Variants in IFIT5 observed in about 807,000 individuals in gnomAD.
IFIT5 encodes the protein interferon-induced protein with tetratricopeptide repeats 5.
IFIT5 carries 2 observed loss-of-function variants against 5.0 expected under a neutral mutation model. The observed-to-expected ratio is 0.40, with a 90% CI of 0.16 to 1.26. The LOEUF (loss-of-function observed/expected upper bound fraction) is 1.26. Among genes scored for constraint, IFIT5 ranks in the 50% most tolerant of loss-of-function variants. The pLI is 0.33. For synonymous variants in IFIT5, 206 were observed against 204.6 expected (o/e 1.01, Z -0.06); for missense variants, 524 against 563.2 (o/e 0.93, Z 0.70).
Position 89,417,854 on chromosome 10 carries a change from GT to G in IFIT5, c.660del (p.Leu221TrpfsTer3). 1 of 1,614,172 alleles carries G rather than the reference GT, an allele frequency of 6.2e-7. No homozygotes were observed. Among genetic ancestry groups the G allele is most frequent in the Non-Finnish European group, 8.5e-7 (1 of 1,180,024 alleles). On this transcript the variant is annotated frameshift_variant, in exon 2 of 2. Transcript: ENST00000371795. LOFTEE classifies it low-confidence loss of function (END_TRUNC). ...GAACCCAGATAACAGCTATATTAAG[GT>G]TTTTCTGGCACTGAAGCTTCAAGAT... Reference protein sequence around the residue: ...TLNPDNSYIKVFLALKLQDVH... With the variant: ...TLNPDNSYIKXFLALKLQDVH...
intron 1 of IFIT5, among the ~76,000 whole-genome samples, chr10:89,416,901 T>C (rs2133652905): frequency 6.6e-6 from 1 of 152,368 alleles, no homozygotes. Context: ...TGAATATGTA[T>C]ATATTCATTC....
At position 89,418,054 on chromosome 10, in the gene IFIT5, G is replaced by A. The variant is rs372927340; in HGVS notation, c.855G>A (p.Leu285=). 1 of 1,614,036 alleles carries A rather than the reference G, an allele frequency of 6.2e-7. No individual in the cohort carries two copies. Among genetic ancestry groups the A allele is most frequent in the Non-Finnish European group, 8.5e-7 (1 of 1,180,042 alleles). ...ALEVTPTSSF[L]HHQMGLCYRA... is the part of the protein sequence containing the mutation. ...AGGTGACACCAACTTCTTCTTTCCT[G>A]CATCACCAGATGGGACTTTGCTACA... is the stretch of plus-strand genomic sequence containing the variant. Residue 285 remains leucine (L), a synonymous_variant, in exon 2 of 2, where the codon CTG becomes CTA. Coordinates refer to ENST00000371795, the MANE Select transcript of IFIT5 (RefSeq NM_012420.3).
At position 89,414,916 on chromosome 10, in the gene IFIT5, C is replaced by G. The variant is rs889452155; in HGVS notation, c.5+113C>G. 7 of 1,381,898 alleles carry G rather than the reference C, an allele frequency of 5.1e-6. No individual in the cohort carries two copies. The East Asian group carries it at 1.1e-4, about 22-fold the overall frequency. 85.6% of individuals were successfully genotyped at this position (1,381,898 alleles called of 1,614,324 possible). A position where few individuals can be genotyped will look rare whatever the true frequency, so the allele number is the denominator to read the frequency against. On this transcript the variant is annotated intron_variant, in intron 1 of 1. Coordinates refer to ENST00000371795, the MANE Select transcript of IFIT5 (RefSeq NM_012420.3). The stretch of plus-strand genomic sequence containing the variant: ...CTGCGGCCTTTTCAGGGGCCGAGCC[C>G]CTCGCGCCCAGCAACCGGGCATCTG...
At chr10:89,414,942 C>A (rs1841517108) in intron 1 of IFIT5, 139 bp downstream of exon 1, 2 of 1,149,612 alleles carry the variant, frequency 1.7e-6, no homozygotes, top group Non-Finnish European at 2.4e-6. Flanking sequence ...CGGGCATCTG[C>A]GTTGGGGACC....
Position 89,414,717 on chromosome 10 carries a change from C to A in IFIT5, c.-82C>A, listed in dbSNP as rs1423862492. ...CACGCGCACGCGCACGCCCACCGCG[C>A]GGCTTCCCGCGGTCCCCGGTGCTGA... On this transcript the variant is annotated 5_prime_UTR_variant, in exon 1 of 2. Coordinates refer to ENST00000371795, the MANE Select transcript of IFIT5 (RefSeq NM_012420.3). 2 of 1,533,180 alleles carry A rather than the reference C, an allele frequency of 1.3e-6. No individual in the cohort carries two copies. Among genetic ancestry groups the A allele is most frequent in the Non-Finnish European group, 8.7e-7 (1 of 1,147,962 alleles). The allele number at this position is 1,533,180 out of a possible 1,614,324, so 95.0% of individuals were successfully genotyped here. A position where few individuals can be genotyped will look rare whatever the true frequency, so the allele number is the denominator to read the frequency against.
chr10:89,417,069 G>A (rs1266818311), intron 1 of IFIT5, 136 bp from the exon 2 acceptor site: 1 of 696,224 alleles, frequency 1.4e-6, no homozygotes, highest in Non-Finnish European at 2.3e-6. Context: ...CTAGTATAAA[G>A]TTATGGGAAA....
rs1016770215 is a variant in IFIT5, at chr10:89,419,865, T to G, written c.*1217T>G. Reference sequence around the variant, plus strand: ...TACACAATTATGTACCATCACAGTATTAGTGGAAAAGTACCATGTGATTTA... The same window carrying G: ...TACACAATTATGTACCATCACAGTAGTAGTGGAAAAGTACCATGTGATTTA... On this transcript the variant is annotated 3_prime_UTR_variant, in exon 2 of 2. Coordinates refer to ENST00000371795, the MANE Select transcript of IFIT5 (RefSeq NM_012420.3). 1.3e-5 allele frequency: 2 copies of G among 152,110 alleles called. No homozygotes were observed. Among genetic ancestry groups the G allele is most frequent in the African/African-American group, 4.8e-5 (2 of 41,434 alleles). 9.4% of individuals were successfully genotyped at this position (152,110 alleles called of 1,614,324 possible). A position where few individuals can be genotyped will look rare whatever the true frequency, so the allele number is the denominator to read the frequency against.
chr10:89,418,545 G>A lies in IFIT5; in HGVS notation c.1346G>A (p.Gly449Glu). ...SALGFVYKLE[G>E]EKRQAAEYYE... ...CTAGGGTTTGTTTACAAGCTGGAAG[G>A]AGAAAAGAGGCAAGCTGCTGAGTAC... Residue 449 changes from glycine (G) to glutamate (E), a missense_variant, in exon 2 of 2, where the codon GGA (glycine) becomes GAA (glutamate). Coordinates refer to ENST00000371795, the MANE Select transcript of IFIT5 (RefSeq NM_012420.3). 6.2e-7 allele frequency: 1 copy of A among 1,614,158 alleles called. No individual in the cohort carries two copies. The highest frequency in any genetic ancestry group is 8.5e-7 in the Non-Finnish European group (1 of 1,180,024).
chr10:89,417,511 T>A lies in IFIT5; in HGVS notation c.312T>A (p.Tyr104Ter). Residue 104 changes from tyrosine to a stop codon, truncating the protein, a stop_gained, in exon 2 of 2, where the codon TAT becomes TAA. Coordinates refer to ENST00000371795, the MANE Select transcript of IFIT5 (RefSeq NM_012420.3). LOFTEE classifies it low-confidence loss of function (END_TRUNC). ...LVTWGNYAWV[Y>*]YHMDQLEEAQ... The stretch of plus-strand genomic sequence containing the variant: ...CTTGGGGAAACTATGCCTGGGTGTA[T>A]TATCACATGGACCAGCTTGAAGAAG... 6.2e-7 allele frequency: 1 copy of A among 1,614,180 alleles called. No homozygotes were observed. Among genetic ancestry groups the A allele is most frequent in the Non-Finnish European group, 8.5e-7 (1 of 1,180,028 alleles).
In IFIT5 at chr10:89,417,639, C is replaced by A. The variant is rs766596123; in HGVS notation, c.440C>A (p.Ala147Glu). 4 of 1,614,170 alleles carry A rather than the reference C, an allele frequency of 2.5e-6. No individual in the cohort carries two copies. The highest frequency in any genetic ancestry group is 3.4e-6 in the Non-Finnish European group (4 of 1,180,026). ...CPETDCEKGW[A>E]LLKFGGKYYQ... ...GAGACTGACTGTGAGAAAGGCTGGG[C>A]ACTCTTGAAATTTGGAGGAAAGTAT... is the stretch of plus-strand genomic sequence containing the variant. Residue 147 changes from alanine (A) to glutamate (E), a missense_variant, in exon 2 of 2, where the codon GCA becomes GAA. Transcript: ENST00000371795.
At chr10:89,415,668 G>A (rs1037531776) in intron 1 of IFIT5, among the ~76,000 whole-genome samples, 2 of 152,198 alleles carry the variant, frequency 1.3e-5, no homozygotes, top group Non-Finnish European at 2.9e-5. Context: ...GAGATGTTAA[G>A]GTCTTGGGCT....
chr10:89,415,896 TA>T (rs954360862), intron 1 of IFIT5, among the ~76,000 whole-genome samples: 3 of 151,776 alleles, frequency 2.0e-5, no homozygotes, highest in Non-Finnish European at 4.4e-5. Context: ...ATTATAAGTT[TA>T]AAAAAAAAGT....
chr10:89,414,951 C>A, intron 1 of IFIT5, 148 bp downstream of exon 1: 1 of 1,103,026 alleles, frequency 9.1e-7, no homozygotes, highest in Non-Finnish European at 1.3e-6. Flanking sequence ...GCGTTGGGGA[C>A]CCTCCCCGGG....
rs1316816895 is a variant in IFIT5, at chr10:89,418,312, C to T, written c.1113C>T (p.Thr371=). 1.9e-6 allele frequency: 3 copies of T among 1,614,122 alleles called. No homozygotes were observed. The highest frequency in any genetic ancestry group is 1.1e-5 in the South Asian group (1 of 91,080). The stretch of plus-strand genomic sequence containing the variant: ...AAGCTCTTCGTCTGGAGAACATAAC[C>T]GATGATCACAAACATCAGATCCATT... ...FRKALRLENI[T]DDHKHQIHYH... is the part of the protein sequence containing the mutation. The change falls in exon 2 of 2, where the codon ACC becomes ACT. Residue 371 remains threonine, a synonymous_variant. Transcript: ENST00000371795.
In IFIT5 at chr10:89,418,169, A is replaced by G. The variant is rs1214914042; in HGVS notation, c.970A>G (p.Ile324Val). The part of the protein sequence containing the change: ...LKVDELISSA[I>V]FHFKAAMERD... The stretch of plus-strand genomic sequence containing the variant: ...GGTTGATGAGCTGATTTCATCTGCT[A>G]TATTTCATTTCAAAGCAGCCATGGA... Residue 324 changes from isoleucine to valine, a missense_variant, in exon 2 of 2, where the codon ATA becomes GTA. Ile to Val is a conservative substitution (Grantham distance 29, BLOSUM62 3). Coordinates refer to ENST00000371795, the MANE Select transcript of IFIT5 (RefSeq NM_012420.3). 1.9e-6 allele frequency: 3 copies of G among 1,614,202 alleles called. No homozygotes were observed. Among genetic ancestry groups the G allele is most frequent in the Non-Finnish European group, 1.7e-6 (2 of 1,180,022 alleles).
In IFIT5 at chr10:89,420,512, G is replaced by A. The variant is rs1841587588; in HGVS notation, c.*1864G>A. 1 of 152,172 alleles carries A rather than the reference G, an allele frequency of 6.6e-6. No homozygotes were observed. The highest frequency in any genetic ancestry group is 6.6e-5 in the Admixed American group (1 of 15,264). The allele number at this position is 152,172 out of a possible 1,614,324, so 9.4% of individuals were successfully genotyped here. On this transcript the variant is annotated 3_prime_UTR_variant, in exon 2 of 2. Transcript: ENST00000371795. ...AGATTATTTGCTTCATCAGTTCATA[G>A]AAAAGATTATTTGCTTCATCAGTTA... is the stretch of plus-strand genomic sequence containing the variant.
chr10:89,414,630 C>T lies in IFIT5; in HGVS notation c.-169C>T. The stretch of plus-strand genomic sequence containing the variant: ...TTCCTGTTCTTGCTGGGGCTGGGGT[C>T]TCTCCTTTAACAAAGACACGCCGCG... On this transcript the variant is annotated 5_prime_UTR_variant, in exon 1 of 2. Coordinates refer to ENST00000371795, the MANE Select transcript of IFIT5 (RefSeq NM_012420.3). The T allele has an allele frequency of 1.7e-6, 1 of 583,592 alleles. No individual in the cohort carries two copies. Among genetic ancestry groups the T allele is most frequent in the East Asian group, 3.5e-5 (1 of 28,782 alleles). 36.2% of individuals were successfully genotyped at this position (583,592 alleles called of 1,614,324 possible). A position where few individuals can be genotyped will look rare whatever the true frequency, so the allele number is the denominator to read the frequency against.
Position 89,418,371 on chromosome 10 carries a change from A to T in IFIT5, c.1172A>T (p.Lys391Ile). The T allele has an allele frequency of 6.2e-7, 1 of 1,614,198 alleles. No individual in the cohort carries two copies. The change falls in exon 2 of 2, where the codon AAA becomes ATA. Residue 391 changes from lysine (K) to isoleucine (I), a missense_variant. Coordinates refer to ENST00000371795, the MANE Select transcript of IFIT5 (RefSeq NM_012420.3). ...GGCCGCTTTCAGGAATTTCACCGTA[A>T]ATCAGAAAATACTGCCATCCATCAT... ...HYGRFQEFHR[K>I]SENTAIHHYL...
Position 89,414,762 on chromosome 10 carries a change from A to G in IFIT5, c.-37A>G. On this transcript the variant is annotated 5_prime_UTR_variant, in exon 1 of 2. Transcript: ENST00000371795. ...TGCTGAGGAGAGAGCGATCCGAGGG[A>G]CTGCGCCGCCCGGACGGCCTGCAGA... is the stretch of plus-strand genomic sequence containing the variant. 1.2e-6 allele frequency: 2 copies of G among 1,605,346 alleles called. No homozygotes were observed. Among genetic ancestry groups the G allele is most frequent in the Non-Finnish European group, 1.7e-6 (2 of 1,177,142 alleles).
Sources: gnomAD v4.1 joint callset for allele counts (sites outside exome capture counted in the v4.1 genomes callset) on GRCh38, gnomAD v4.1.1 for gene constraint, MANE v1.5 for transcripts, NCBI Gene and HGNC (gene_info 2026-07-23, HGNC 2026-07-21) for gene names.